Variants in DGLUCY observed in about 807,000 individuals in gnomAD.
DGLUCY encodes D-glutamate cyclase, mitochondrial.
Under a neutral mutation model 58.5 loss-of-function variants are expected in DGLUCY, and 58 were observed. The observed-to-expected ratio is 0.99, with a 90% CI of 0.80 to 1.23. The LOEUF (loss-of-function observed/expected upper bound fraction) is 1.23, where lower values mean the gene tolerates loss of function less well. Ranked by LOEUF, DGLUCY falls within the 50% of genes most tolerant of loss-of-function variation. The pLI is 0.00. For synonymous variants in DGLUCY, 325 were observed against 314.1 expected (o/e 1.03, Z -0.37); for missense variants, 779 against 784.7 (o/e 0.99, Z 0.09).
intron 13 of DGLUCY, chr14:91,223,726 C>T (rs1486941144): frequency 8.6e-6 from 11 of 1,285,626 alleles, no homozygotes; most frequent in Non-Finnish European, 1.0e-5. Context: ...AGACCTAGCC[C>T]TGCCAATAAA....
chr14:91,097,053 C>T (rs758546432), intron 1 of DGLUCY, among the ~76,000 whole-genome samples: 1 of 152,088 alleles, frequency 6.6e-6, no homozygotes, highest in African/African-American at 2.4e-5. Context: ...AAGAGATTGG[C>T]GTAAATGGGG....
At chr14:91,065,213 C>T (rs949442835) in intron 1 of DGLUCY, among the ~76,000 whole-genome samples, 1 of 152,124 alleles carries the variant, frequency 6.6e-6, no homozygotes, top group Non-Finnish European at 1.5e-5. Context: ...ATCCAGGCAG[C>T]TTGTATAAAC....
upstream of DGLUCY, among the ~76,000 whole-genome samples, chr14:91,104,224 G>A (rs571690453): frequency 2.2e-4 from 33 of 151,374 alleles, no homozygotes; most frequent in South Asian, 6.7e-3. Flanking sequence ...CACCACGCCC[G>A]GCTAATTTTT....
chr14:91,139,368 C>T (rs1038589426), intron 1 of DGLUCY, among the ~76,000 whole-genome samples: 1 of 152,134 alleles, frequency 6.6e-6, no homozygotes, highest in Admixed American at 6.6e-5. Context: ...AATTTCACCC[C>T]AAAACACCCT....
At chr14:91,212,292 A>T (rs1239891822) in intron 12 of DGLUCY, among the ~76,000 whole-genome samples, 1 of 152,004 alleles carries the variant, frequency 6.6e-6, no homozygotes, top group African/African-American at 2.4e-5. Context: ...GGACCATTTG[A>T]CACTAGGAAT....
intron 1 of DGLUCY, chr14:91,091,186 C>T (rs1223641861): frequency 6.6e-6 from 1 of 152,102 alleles, no homozygotes. Context: ...TAATACAATA[C>T]ATTCCTCTCC....
At chr14:91,205,842 CTTTTTT>C (rs36096639) in intron 12 of DGLUCY, among the ~76,000 whole-genome samples, 3 of 70,696 alleles carry the variant, frequency 4.2e-5, no homozygotes, top group East Asian at 4.6e-4. Context: ...TCTTCTTCTT[CTTTTTT>C]TTTTTTTTTT....
At position 91,137,602 on chromosome 14, in the gene DGLUCY, G is replaced by A. The variant is rs551607918; in HGVS notation, c.-81-20037G>A. ...AGTACAGACGGGGTTTCACCATGTT[G>A]GCCAGGATGGTCTTGATCTCCTGAC... is the stretch of plus-strand genomic sequence containing the variant. On this transcript the variant is annotated intron_variant, in intron 1 of 13. Coordinates refer to ENST00000256324, the MANE Select transcript of DGLUCY (RefSeq NM_001102368.3). Among the ~76,000 whole-genome samples the A allele has an allele frequency of 6.3e-4, 91 of 145,454 alleles. No individual in the cohort carries two copies. The South Asian group carries it at 0.016, about 26-fold the overall frequency.
intron 3 of DGLUCY, among the ~76,000 whole-genome samples, chr14:91,166,920 A>G (rs1464409585): frequency 6.6e-6 from 1 of 152,138 alleles, no homozygotes; most frequent in African/African-American, 2.4e-5. Flanking sequence ...TCCAACATGG[A>G]ACAGTTGGCC....
At chr14:91,085,408 C>T (rs567748408) in intron 1 of DGLUCY, among the ~76,000 whole-genome samples, 1 of 152,138 alleles carries the variant, frequency 6.6e-6, no homozygotes, top group South Asian at 2.1e-4. Flanking sequence ...TCCATACCCC[C>T]CACATCTTTT....
At chr14:91,137,361 CTACT>C (rs1320141777) in intron 1 of DGLUCY, among the ~76,000 whole-genome samples, 1 of 151,538 alleles carries the variant, frequency 6.6e-6, no homozygotes, top group African/African-American at 2.4e-5. Context: ...GTCTTATGGC[CTACT>C]ATCAGAAAAG....
intron 1 of DGLUCY, among the ~76,000 whole-genome samples, chr14:91,081,785 A>G (rs745418888): frequency 1.3e-5 from 2 of 151,982 alleles, no homozygotes; most frequent in African/African-American, 2.4e-5. Flanking sequence ...TCCGTCACCC[A>G]GGCTGGAGTG....
Position 91,148,675 on chromosome 14 carries a change from G to T in DGLUCY, c.-81-8964G>T, listed in dbSNP as rs1346375379. The T allele has an allele frequency of 3.3e-5, 5 of 152,188 alleles. No individual in the cohort carries two copies. The East Asian group carries it at 9.7e-4, about 29-fold the overall frequency. The allele number at this position is 152,188 out of a possible 1,614,324, so 9.4% of individuals were successfully genotyped here. ...GAAACTGAGGCCCTTGCTGGGCGCA[G>T]TGGCTCATGCCTGTAACCCCAGCAC... On this transcript the variant is annotated intron_variant, in intron 1 of 13. Transcript: ENST00000256324.
intron 3 of DGLUCY, among the ~76,000 whole-genome samples, chr14:91,164,360 C>T (rs1221891328): frequency 4.6e-5 from 7 of 152,148 alleles, no homozygotes; most frequent in Non-Finnish European, 8.8e-5. Flanking sequence ...TGGAGACAAC[C>T]GTGATTAACT....
At chr14:91,064,087 T>C (rs1276381490) in intron 1 of DGLUCY, among the ~76,000 whole-genome samples, 2 of 152,222 alleles carry the variant, frequency 1.3e-5, no homozygotes, top group Non-Finnish European at 2.9e-5. Flanking sequence ...GACACCAGTG[T>C]TTCTAGCGTG....
intron 1 of DGLUCY, among the ~76,000 whole-genome samples, chr14:91,145,522 T>C (rs751925538): frequency 3.3e-5 from 5 of 152,246 alleles, no homozygotes; most frequent in Admixed American, 6.5e-5. Flanking sequence ...GCCCCATTTG[T>C]ACCCGCTCCA....
chr14:91,087,906 A>G (rs537759221), intron 1 of DGLUCY, among the ~76,000 whole-genome samples: 17 of 152,370 alleles, frequency 1.1e-4, no homozygotes, highest in South Asian at 6.2e-4. Context: ...ACCAGGGAAC[A>G]AGAAATGCTT....
At chr14:91,063,258 T>C (rs962674225) in intron 1 of DGLUCY, among the ~76,000 whole-genome samples, 2 of 152,078 alleles carry the variant, frequency 1.3e-5, no homozygotes, top group African/African-American at 4.8e-5. Flanking sequence ...GACTTTTTTT[T>C]TTTTTTTCTT....
At chr14:91,145,790 A>G (rs1329606153) in intron 1 of DGLUCY, among the ~76,000 whole-genome samples, 1 of 152,182 alleles carries the variant, frequency 6.6e-6, no homozygotes, top group South Asian at 2.1e-4. Context: ...TGGGAAAGCT[A>G]AGAAATGACC....
Sources: gnomAD v4.1 joint callset for allele counts (sites outside exome capture counted in the v4.1 genomes callset) on GRCh38, gnomAD v4.1.1 for gene constraint, MANE v1.5 for transcripts, NCBI Gene and HGNC (gene_info 2026-07-23, HGNC 2026-07-21) for gene names.